The following MICAL2 variants were observed in gnomAD, a reference collection of about 807,000 sequenced individuals.
MICAL2 encodes [F-actin]-monooxygenase MICAL2.
MICAL2 carries 77 observed loss-of-function variants against 127.3 expected under a neutral mutation model. The observed-to-expected ratio is 0.60, with a 90% confidence interval of 0.50 to 0.73. The LOEUF (loss-of-function observed/expected upper bound fraction) is 0.73. MICAL2 is among the 30% of genes least tolerant of loss of function. The pLI is 0.00. For missense variants in MICAL2, 1,351 were observed against 1,434.4 expected (o/e 0.94, Z 0.94); for synonymous variants, 570 against 551.1 (o/e 1.03, Z -0.48).
At chr11:12,230,233 A>G (rs1166419003) in intron 15 of MICAL2, among the ~76,000 whole-genome samples, 1 of 152,082 alleles carries the variant, frequency 6.6e-6, no homozygotes, top group African/African-American at 2.4e-5. Context: ...TGACCTCAAC[A>G]TTTCCCATTA....
chr11:12,341,872 C>T (rs1938873356), intron 32 of MICAL2, among the ~76,000 whole-genome samples: 1 of 152,060 alleles, frequency 6.6e-6, no homozygotes, highest in African/African-American at 2.4e-5. Flanking sequence ...CCTTTACATG[C>T]CAATCATCGT....
chr11:12,285,484 A>G (rs889247985), intron 2 of MICAL2, among the ~76,000 whole-genome samples: 3 of 152,216 alleles, frequency 2.0e-5, no homozygotes, highest in African/African-American at 7.2e-5. Context: ...AAACTAAACT[A>G]TAAACTAAGT....
chr11:12,118,670 A>G (rs1343738519), intron 1 of MICAL2, among the ~76,000 whole-genome samples: 1 of 152,224 alleles, frequency 6.6e-6, no homozygotes, highest in Non-Finnish European at 1.5e-5. Context: ...CATAGGCAAA[A>G]ACAAAAAGCA....
chr11:12,135,535 C>G (rs1241992902), intron 1 of MICAL2, among the ~76,000 whole-genome samples: 5 of 152,192 alleles, frequency 3.3e-5, no homozygotes, highest in Non-Finnish European at 5.9e-5. Flanking sequence ...ATAGGATTAT[C>G]TCATTTAATC....
intron 17 of MICAL2, 27 bp downstream of exon 17, chr11:12,239,612 C>A (rs769931040): frequency 1.6e-5 from 25 of 1,606,366 alleles, no homozygotes; most frequent in Non-Finnish European, 2.1e-5. Flanking sequence ...ACTCACTGGA[C>A]CTAACTTCCT....
intron 3 of MICAL2, among the ~76,000 whole-genome samples, chr11:12,172,981 T>A (rs920662124): frequency 3.2e-4 from 48 of 152,290 alleles, no homozygotes; most frequent in African/African-American, 1.1e-3. Context: ...ATAACATACA[T>A]AGTTATAGAA....
chr11:12,129,466 C>T (rs1414682145), intron 1 of MICAL2, among the ~76,000 whole-genome samples: 5 of 152,108 alleles, frequency 3.3e-5, no homozygotes, highest in South Asian at 4.2e-4. Flanking sequence ...TAATGAAACA[C>T]GCACCCCCCT....
intron 9 of MICAL2, 76 bp from the exon 10 acceptor site, chr11:12,221,568 T>A: frequency 9.7e-7 from 1 of 1,027,598 alleles, no homozygotes; most frequent in East Asian, 2.4e-5. Flanking sequence ...TGGCAATCAG[T>A]GTGTGCTGGG....
chr11:12,276,042 G>A (rs1349748239), upstream of MICAL2: 7 of 399,174 alleles, frequency 1.8e-5, no homozygotes, highest in Admixed American at 1.3e-4. Flanking sequence ...GCACAGTGAT[G>A]CGGAAGGGGA....
intron 2 of MICAL2, among the ~76,000 whole-genome samples, chr11:12,145,480 G>C (rs1852800873): frequency 6.6e-6 from 1 of 152,156 alleles, no homozygotes; most frequent in Admixed American, 6.5e-5. Flanking sequence ...AGAAAGCAGG[G>C]GGAGTCATTC....
intron 30 of MICAL2, among the ~76,000 whole-genome samples, chr11:12,320,192 T>C (rs1864277614): frequency 6.6e-6 from 1 of 152,130 alleles, no homozygotes; most frequent in African/African-American, 2.4e-5. Flanking sequence ...TAGAGGCAGA[T>C]TGCATGGAAA....
At chr11:12,291,579 AAT>A (rs1198280649), downstream of MICAL2, among the ~76,000 whole-genome samples, 1 of 152,194 alleles carries the variant, frequency 6.6e-6, no homozygotes, top group African/African-American at 2.4e-5. Flanking sequence ...ATATCCTTCC[AAT>A]GATTTGATAC....
At chr11:12,235,788 G>A (rs866252215) in intron 15 of MICAL2, among the ~76,000 whole-genome samples, 11 of 152,306 alleles carry the variant, frequency 7.2e-5, no homozygotes, top group South Asian at 2.1e-4. Context: ...AGACCTGGCT[G>A]TGGCCTTGGG....
rs2134648489 is a variant in MICAL2, at chr11:12,255,852, CCTCTT to C, written c.2955+108_2955+112del. 3.5e-6 allele frequency: 3 copies of C among 863,028 alleles called. No individual in the cohort carries two copies. In the South Asian group the frequency reaches 4.9e-5, roughly 14 times the overall value. 53.5% of individuals were successfully genotyped at this position (863,028 alleles called of 1,614,324 possible). A position where few individuals can be genotyped will look rare whatever the true frequency, so the allele number is the denominator to read the frequency against. On this transcript the variant is annotated intron_variant, in intron 23 of 27. Transcript: ENST00000683283. ...AGGATGCCCTGGCCCTCCCGAGGCTCCTCTTCTCTTGGAACAAGAGGGGGCTGAGA... is the reference window on the plus strand; with the variant it reads ...AGGATGCCCTGGCCCTCCCGAGGCTCCTCTTGGAACAAGAGGGGGCTGAGA...
intron 26 of MICAL2, chr11:12,262,235 A>T (rs1166341550): frequency 7.2e-7 from 1 of 1,388,142 alleles, no homozygotes; most frequent in Admixed American, 3.1e-5. Flanking sequence ...GGCAGAGAGG[A>T]TATCAGGGAG....
At chr11:12,260,970 G>T in intron 26 of MICAL2, 1 of 985,476 alleles carries the variant, frequency 1.0e-6, no homozygotes, top group African/African-American at 1.7e-5. Flanking sequence ...TGGAGCTGAT[G>T]CAGTGCCAAA....
chr11:12,346,065 A>C (rs1437912157), intron 32 of MICAL2, among the ~76,000 whole-genome samples: 1 of 151,756 alleles, frequency 6.6e-6, no homozygotes, highest in Non-Finnish European at 1.5e-5. Flanking sequence ...GTTAGCGGCC[A>C]ACCCATTGAA....
At chr11:12,203,039 G>A (rs1290389135) in intron 3 of MICAL2, among the ~76,000 whole-genome samples, 1 of 152,098 alleles carries the variant, frequency 6.6e-6, no homozygotes, top group East Asian at 1.9e-4. Flanking sequence ...GTGTCCTTTT[G>A]TATCTAGTTT....
At chr11:12,272,949 C>A (rs1863688678), upstream of MICAL2, among the ~76,000 whole-genome samples, 1 of 152,212 alleles carries the variant, frequency 6.6e-6, no homozygotes, top group Non-Finnish European at 1.5e-5. Context: ...CCAAGCCTCA[C>A]GTCCATGGGG....
Sources: allele counts gnomAD v4.1 joint callset (sites outside exome capture counted in the v4.1 genomes callset), GRCh38; gene constraint gnomAD v4.1.1; transcripts MANE v1.5; gene names NCBI Gene and HGNC (gene_info 2026-07-23, HGNC 2026-07-21).